The following PALLD variants were observed in gnomAD, a reference collection of about 807,000 sequenced individuals.
PALLD encodes palladin.
A neutral mutation model predicts 123.5 loss-of-function variants in PALLD; 61 were observed. The observed-to-expected ratio is 0.49, with a 90% CI of 0.40 to 0.61. The LOEUF (loss-of-function observed/expected upper bound fraction) is 0.61. Among genes scored for constraint, PALLD ranks in the 20% least tolerant of loss-of-function variants. PALLD has a pLI of 0.00. For synonymous variants in PALLD, 465 were observed against 496.4 expected (o/e 0.94, Z 0.84); for missense variants, 1,273 against 1,377.0 (o/e 0.92, Z 1.20).
At chr4:168,765,596 C>T (rs1016552303) in intron 10 of PALLD, among the ~76,000 whole-genome samples, 1 of 152,224 alleles carries the variant, frequency 6.6e-6, no homozygotes, top group Non-Finnish European at 1.5e-5. Flanking sequence ...CACTGCAGAA[C>T]TGGGTTCCGG....
At chr4:168,681,488 G>T in intron 4 of PALLD, 90 bp downstream of exon 4, 1 of 766,084 alleles carries the variant, frequency 1.3e-6, no homozygotes, top group Non-Finnish European at 2.2e-6. Context: ...GTGCTTTGAA[G>T]AAAAAAGTCA....
intron 2 of PALLD, among the ~76,000 whole-genome samples, chr4:168,589,342 T>G (rs968903941): frequency 2.0e-5 from 3 of 152,126 alleles, no homozygotes; most frequent in Admixed American, 2.0e-4. Context: ...TCAGGGAAAG[T>G]CCAGGTGCTT....
At chr4:168,922,810 C>A (rs1761843092) in intron 18 of PALLD, among the ~76,000 whole-genome samples, 1 of 152,148 alleles carries the variant, frequency 6.6e-6, no homozygotes, top group Non-Finnish European at 1.5e-5. Context: ...GTTAAATATG[C>A]CTTTTGATCA....
Position 168,926,504 on chromosome 4 carries a change from AAC to A in PALLD, c.*327_*328del, listed in dbSNP as rs1762598335. On this transcript the variant is annotated 3_prime_UTR_variant, in exon 22 of 22. Coordinates refer to ENST00000505667, the MANE Select transcript of PALLD (RefSeq NM_001166108.2). ...TTTGACTATAAGAAATTAAAAAAAA[AAC>A]ACCAAAATAATATTTTTCTTACTTG... The A allele has an allele frequency of 5.4e-5, 39 of 718,584 alleles. No homozygotes were observed. The South Asian group carries it at 7.3e-4, about 13-fold the overall frequency. 44.5% of individuals were successfully genotyped at this position (718,584 alleles called of 1,614,324 possible). A position where few individuals can be genotyped will look rare whatever the true frequency, so the allele number is the denominator to read the frequency against.
chr4:168,877,233 G>A (rs1260769489), intron 10 of PALLD, among the ~76,000 whole-genome samples: 2 of 152,218 alleles, frequency 1.3e-5, no homozygotes, highest in East Asian at 1.9e-4. Flanking sequence ...TTTATTGAAT[G>A]TAGAGTTGAC....
intron 10 of PALLD, among the ~76,000 whole-genome samples, chr4:168,843,389 T>C (rs1746332524): frequency 6.6e-6 from 1 of 152,120 alleles, no homozygotes; most frequent in Admixed American, 6.5e-5. Flanking sequence ...AAAAGGAGTA[T>C]TTTAAATTTA....
chr4:168,675,311 G>A (rs1423425466), intron 3 of PALLD, among the ~76,000 whole-genome samples: 2 of 152,204 alleles, frequency 1.3e-5, no homozygotes. Context: ...GACACAGATT[G>A]GCAGGTCCTG....
rs546319919 is a variant in PALLD at position 168,740,431 on chromosome 4, C to G, written c.1964+28508C>G. Among the ~76,000 whole-genome samples the G allele has an allele frequency of 1.9e-4, 29 of 152,258 alleles. No homozygotes were observed. The Middle Eastern group carries it at 0.01, about 54-fold the overall frequency. On this transcript the variant is annotated intron_variant, in intron 10 of 21. Transcript: ENST00000505667. ...ATGAAAAACTACATTAAAAATCTAA[C>G]TGTGGATGCCTATACTTGAATTAAC...
intron 10 of PALLD, among the ~76,000 whole-genome samples, chr4:168,746,808 G>A (rs1730393233): frequency 6.6e-6 from 1 of 152,178 alleles, no homozygotes; most frequent in Admixed American, 6.5e-5. Context: ...GCTTAGAAGA[G>A]GGAAGTTATC....
At position 168,709,252 on chromosome 4, in the gene PALLD, G is replaced by C. The variant is rs1045887143; in HGVS notation, c.1621+105G>C. ...TGGCCAGGTGCAGTGGCTCACACCT[G>C]TAATCCCAGCACTTTGGGAGGCCGA... On this transcript the variant is annotated intron_variant, in intron 9 of 21. Transcript: ENST00000505667. The C allele has an allele frequency of 2.5e-6, 3 of 1,193,886 alleles. No individual in the cohort carries two copies. In the Admixed American group the frequency reaches 5.4e-5, roughly 22 times the overall value. 74.0% of individuals were successfully genotyped at this position (1,193,886 alleles called of 1,614,324 possible). A position where few individuals can be genotyped will look rare whatever the true frequency, so the allele number is the denominator to read the frequency against.
chr4:168,883,710 G>T (rs79725372), intron 10 of PALLD, among the ~76,000 whole-genome samples: 2,766 of 152,286 alleles, frequency 0.018, 82 homozygotes, highest in African/African-American at 0.061. Flanking sequence ...CCAACCACAT[G>T]AATATTGTTT....
intron 9 of PALLD, among the ~76,000 whole-genome samples, chr4:168,710,062 T>C (rs1236514079): frequency 1.3e-5 from 2 of 152,130 alleles, no homozygotes; most frequent in Non-Finnish European, 2.9e-5. Flanking sequence ...AGATAAGCCT[T>C]CTTGTATAAA....
chr4:168,668,061 C>A, intron 2 of PALLD, 129 bp from the exon 3 acceptor site: 1 of 750,954 alleles, frequency 1.3e-6, no homozygotes, highest in Non-Finnish European at 2.3e-6. Flanking sequence ...GTAACACTGA[C>A]ATTGTTTTTT....
At chr4:168,549,655 A>G (rs1162144250) in intron 2 of PALLD, among the ~76,000 whole-genome samples, 1 of 152,146 alleles carries the variant, frequency 6.6e-6, no homozygotes, top group African/African-American at 2.4e-5. Context: ...TAGAGCCTAT[A>G]ATTTATTTTA....
chr4:168,627,325 C>T (rs1775393899), intron 2 of PALLD, among the ~76,000 whole-genome samples: 1 of 152,154 alleles, frequency 6.6e-6, no homozygotes, highest in Admixed American at 6.5e-5. Flanking sequence ...GCCTGGCCAA[C>T]ATGGCGAAAA....
At chr4:168,627,618 A>C (rs1235255367) in intron 2 of PALLD, among the ~76,000 whole-genome samples, 1 of 152,208 alleles carries the variant, frequency 6.6e-6, no homozygotes, top group Admixed American at 6.5e-5. Context: ...TCTTTTAAAA[A>C]CTGATAAATT....
intron 15 of PALLD, among the ~76,000 whole-genome samples, chr4:168,909,409 C>T (rs192008130): frequency 3.0e-4 from 46 of 152,250 alleles, no homozygotes; most frequent in Non-Finnish European, 2.2e-4. Flanking sequence ...ATGAAATAAT[C>T]TTTACAAGCT....
chr4:168,724,740 T>A (rs1305732804), intron 10 of PALLD, among the ~76,000 whole-genome samples: 1 of 152,164 alleles, frequency 6.6e-6, no homozygotes, highest in Admixed American at 6.5e-5. Context: ...AACCTCAGAT[T>A]TTGCTCTAGG....
chr4:168,708,968 T>C, intron 8 of PALLD, 60 bp from the exon 9 acceptor site: 1 of 1,552,344 alleles, frequency 6.4e-7, no homozygotes, highest in African/African-American at 1.4e-5. Context: ...AGGGTCTCAC[T>C]TCTTAAAAGT....
Sources: allele counts gnomAD v4.1 joint callset (sites outside exome capture counted in the v4.1 genomes callset), GRCh38; gene constraint gnomAD v4.1.1; transcripts MANE v1.5; gene names NCBI Gene and HGNC (gene_info 2026-07-23, HGNC 2026-07-21).